Variants in PDE11A observed in about 807,000 individuals in gnomAD.
PDE11A encodes dual 3',5'-cyclic-AMP and -GMP phosphodiesterase 11A.
PDE11A carries 100 observed loss-of-function variants against 100.5 expected under a neutral mutation model. The observed-to-expected ratio is 1.00, with a 90% CI of 0.85 to 1.18. The LOEUF (loss-of-function observed/expected upper bound fraction) is 1.18, where lower values mean the gene tolerates loss of function less well. PDE11A is among the 50% of genes most tolerant of loss of function. The pLI is 0.00. For missense variants in PDE11A, 1,141 were observed against 1,152.6 expected (o/e 0.99, Z 0.15); for synonymous variants, 381 against 420.8 (o/e 0.91, Z 1.16).
In PDE11A at chr2:177,626,243, A is replaced by ACGG. The variant is rs1410478063; in HGVS notation, c.*3161_*3163dup. 1 of 152,642 alleles carries ACGG rather than the reference A, an allele frequency of 6.6e-6. No individual in the cohort carries two copies. Among genetic ancestry groups the ACGG allele is most frequent in the Non-Finnish European group, 1.5e-5 (1 of 68,052 alleles). The allele number at this position is 152,642 out of a possible 1,614,324, so 9.5% of individuals were successfully genotyped here. ...AATGTTCAGGATAGCTACAGTGCTCACGGCAGCCTGCAGTCTCTGTCAGAC... is the reference window on the plus strand; with the variant it reads ...AATGTTCAGGATAGCTACAGTGCTCACGGCGGCAGCCTGCAGTCTCTGTCAGAC... On this transcript the variant is annotated 3_prime_UTR_variant, in exon 20 of 20. Coordinates refer to ENST00000286063, the MANE Select transcript of PDE11A (RefSeq NM_016953.4).
At chr2:178,087,602 G>A (rs1287812288) in intron 2 of PDE11A, among the ~76,000 whole-genome samples, 4 of 152,152 alleles carry the variant, frequency 2.6e-5, no homozygotes, top group African/African-American at 7.2e-5. Context: ...AAAGAAGGTG[G>A]ATGATGAGAG....
At chr2:177,674,336 G>A (rs565357204) in intron 17 of PDE11A, among the ~76,000 whole-genome samples, 61 of 152,304 alleles carry the variant, frequency 4.0e-4, no homozygotes, top group Non-Finnish European at 7.8e-4. Context: ...TCTGGAGGCC[G>A]GGAGTTCTAC....
chr2:177,668,905 T>C (rs927353458), intron 18 of PDE11A, among the ~76,000 whole-genome samples: 1 of 152,178 alleles, frequency 6.6e-6, no homozygotes, highest in Non-Finnish European at 1.5e-5. Context: ...ACTGACGCAG[T>C]TATGTCTTCT....
At chr2:177,763,396 A>G (rs1368840796) in intron 10 of PDE11A, among the ~76,000 whole-genome samples, 1 of 152,158 alleles carries the variant, frequency 6.6e-6, no homozygotes, top group Non-Finnish European at 1.5e-5. Flanking sequence ...CTTAGAAATG[A>G]CCCGAGATGC....
intron 5 of PDE11A, among the ~76,000 whole-genome samples, chr2:177,867,748 A>G (rs1390357186): frequency 6.6e-6 from 1 of 152,122 alleles, no homozygotes. Context: ...AACAATTGCA[A>G]TATGATTGCA....
chr2:177,904,689 G>A (rs946232248), intron 3 of PDE11A, among the ~76,000 whole-genome samples: 4 of 151,644 alleles, frequency 2.6e-5, no homozygotes, highest in African/African-American at 9.7e-5. Context: ...CGAGTAGCTG[G>A]GACTACAGGC....
At chr2:177,969,647 TATAA>T (rs200388997) in intron 2 of PDE11A, among the ~76,000 whole-genome samples, 1,700 of 152,236 alleles carry the variant, frequency 0.011, 30 homozygotes, top group African/African-American at 0.038. Context: ...AGCCTCTCCC[TATAA>T]ATATTCATTA....
At chr2:177,955,936 A>T (rs1265198325) in intron 2 of PDE11A, among the ~76,000 whole-genome samples, 2 of 152,214 alleles carry the variant, frequency 1.3e-5, no homozygotes, top group Non-Finnish European at 2.9e-5. Flanking sequence ...CTTAAATGTT[A>T]GACCTAAAAC....
chr2:177,899,424 CAAT>C (rs1166328851), intron 3 of PDE11A: 4 of 191,928 alleles, frequency 2.1e-5, no homozygotes, highest in Admixed American at 6.4e-5. Flanking sequence ...AACAAACAAA[CAAT>C]AACAACAAAA....
intron 1 of PDE11A, among the ~76,000 whole-genome samples, chr2:178,050,860 A>G (rs561719489): frequency 2.3e-4 from 35 of 152,224 alleles, no homozygotes; most frequent in Non-Finnish European, 4.4e-4. Flanking sequence ...GACTATGTGA[A>G]AAGACCAAAT....
intron 2 of PDE11A, among the ~76,000 whole-genome samples, chr2:177,996,511 G>A (rs2086077925): frequency 6.6e-6 from 1 of 150,632 alleles, no homozygotes; most frequent in Non-Finnish European, 1.5e-5. Flanking sequence ...ATACGCTTAT[G>A]TATGTATGTA....
intron 15 of PDE11A, chr2:177,687,913 T>C (rs2080977905): frequency 1.3e-5 from 2 of 152,326 alleles, no homozygotes; most frequent in Non-Finnish European, 2.9e-5. Context: ...TTGTTGCCAA[T>C]AAAAATTACT....
intron 3 of PDE11A, among the ~76,000 whole-genome samples, chr2:177,903,703 G>A (rs2084733641): frequency 6.6e-6 from 1 of 152,158 alleles, no homozygotes; most frequent in African/African-American, 2.4e-5. Context: ...AAGTGAAGAA[G>A]GGAAGATTAA....
chr2:177,851,341 A>G (rs2105648160), intron 5 of PDE11A, among the ~76,000 whole-genome samples: 2 of 152,102 alleles, frequency 1.3e-5, no homozygotes, highest in Middle Eastern at 3.4e-3. Context: ...AACAATGAGA[A>G]CACTTGGACA....
chr2:177,655,935 C>G (rs547186137), intron 19 of PDE11A, among the ~76,000 whole-genome samples: 1 of 152,212 alleles, frequency 6.6e-6, no homozygotes, highest in South Asian at 2.1e-4. Flanking sequence ...ATTAAAATAA[C>G]TAGAGGACTA....
chr2:177,731,694 T>C (rs1336518726), intron 10 of PDE11A, among the ~76,000 whole-genome samples: 1 of 152,184 alleles, frequency 6.6e-6, no homozygotes, highest in Non-Finnish European at 1.5e-5. Flanking sequence ...TGTTTTCCTG[T>C]TTATAAGCCC....
chr2:177,818,498 G>T (rs531245581), intron 7 of PDE11A, among the ~76,000 whole-genome samples: 30 of 151,940 alleles, frequency 2.0e-4, no homozygotes, highest in African/African-American at 6.8e-4. Context: ...GTAAAATGGG[G>T]ATTAAAATGT....
At chr2:177,753,094 T>G (rs1386315715) in intron 10 of PDE11A, among the ~76,000 whole-genome samples, 2 of 152,206 alleles carry the variant, frequency 1.3e-5, no homozygotes, top group Admixed American at 1.3e-4. Flanking sequence ...TTGCCCTGAA[T>G]TAGGCTCAAG....
chr2:177,707,515 G>A (rs183227608), intron 13 of PDE11A, among the ~76,000 whole-genome samples: 47 of 152,196 alleles, frequency 3.1e-4, no homozygotes, highest in East Asian at 7.7e-4. Context: ...CAGTCTCTCC[G>A]TTCTGCTTCT....
Sources: gnomAD v4.1 joint callset for allele counts (sites outside exome capture counted in the v4.1 genomes callset) on GRCh38, gnomAD v4.1.1 for gene constraint, MANE v1.5 for transcripts, NCBI Gene and HGNC (gene_info 2026-07-23, HGNC 2026-07-21) for gene names.